HELZ: variants seen among roughly 807,000 people sequenced by gnomAD.
HELZ encodes the protein ATP-dependent RNA helicase with zinc finger domain.
HELZ carries 23 observed loss-of-function variants against 218.2 expected under a neutral mutation model. The ratio of observed to expected loss-of-function variants is 0.11; its 90% CI spans 0.08 to 0.15. The LOEUF (loss-of-function observed/expected upper bound fraction) is 0.15. Ranked by LOEUF, HELZ falls within the 10% of genes least tolerant of loss-of-function variation. HELZ has a pLI of 1.00. For missense variants in HELZ, 1,813 were observed against 2,353.7 expected (o/e 0.77, Z 4.75); for synonymous variants, 814 against 829.4 (o/e 0.98, Z 0.32).
At chr17:67,112,852 G>A (rs142542992) in intron 28 of HELZ, among the ~76,000 whole-genome samples, 2 of 152,270 alleles carry the variant, frequency 1.3e-5, no homozygotes, top group African/African-American at 2.4e-5. Context: ...TAAAAAAGAC[G>A]GAGGTCATGT....
intron 28 of HELZ, 114 bp downstream of exon 28, chr17:67,114,210 A>G: frequency 2.8e-6 from 2 of 715,078 alleles, no homozygotes; most frequent in Non-Finnish European, 5.0e-6. Context: ...CTGTGAAAAA[A>G]TAAACATAAA....
intron 9 of HELZ, among the ~76,000 whole-genome samples, chr17:67,192,712 A>C (rs986259208): frequency 1.3e-5 from 2 of 152,216 alleles, no homozygotes. Flanking sequence ...AAAACCATGT[A>C]GCAAATTTCC....
At chr17:67,157,565 C>T (rs1253414296) in intron 17 of HELZ, among the ~76,000 whole-genome samples, 3 of 152,040 alleles carry the variant, frequency 2.0e-5, no homozygotes, top group African/African-American at 4.8e-5. Context: ...GGAGAATTGA[C>T]GGTAACAAGA....
Position 67,077,063 on chromosome 17 carries a change from T to C in HELZ, c.*1189A>G, listed in dbSNP as rs2036036288. The C allele has an allele frequency of 6.6e-6, 1 of 152,208 alleles. No homozygotes were observed. Among genetic ancestry groups the C allele is most frequent in the Admixed American group, 6.5e-5 (1 of 15,282 alleles). The allele number at this position is 152,208 out of a possible 1,614,324, so 9.4% of individuals were successfully genotyped here. On this transcript the variant is annotated 3_prime_UTR_variant, in exon 33 of 33. Coordinates refer to ENST00000358691, the MANE Select transcript of HELZ (RefSeq NM_014877.4). ...GAATATTTAAGATGGCTATTTAAAT[T>C]TTATATTGTGTACAAGTTCAATAAG...
chr17:67,117,849 C>A (rs2037476359), intron 27 of HELZ, among the ~76,000 whole-genome samples: 1 of 151,762 alleles, frequency 6.6e-6, no homozygotes, highest in Admixed American at 6.6e-5. Flanking sequence ...CCGTGCTCGG[C>A]CTGAAAACTT....
chr17:67,191,611 T>A (rs1216283571), intron 9 of HELZ, among the ~76,000 whole-genome samples: 1 of 151,784 alleles, frequency 6.6e-6, no homozygotes, highest in Non-Finnish European at 1.5e-5. Context: ...GCCACCACAA[T>A]GCCCGGCTAG....
At chr17:67,124,429 C>A (rs1271485501) in intron 24 of HELZ, among the ~76,000 whole-genome samples, 2 of 151,950 alleles carry the variant, frequency 1.3e-5, no homozygotes, top group African/African-American at 2.4e-5. Context: ...AAGATGAGAA[C>A]CTTTAACGGA....
rs1209313232 is a variant in HELZ, at chr17:67,160,890, C to T, written c.2075+7G>A. ...GGGAAATATGAGCACGCTTCCCACC[C>T]TCTCACCTAGTCTCCTGTTGCTGCA... On this transcript the variant is annotated splice_region_variant and intron_variant, in intron 16 of 32. Transcript: ENST00000358691. 3 of 1,591,252 alleles carry T rather than the reference C, an allele frequency of 1.9e-6. No individual in the cohort carries two copies. In the African/African-American group the frequency reaches 4.0e-5, roughly 21 times the overall value.
chr17:67,165,881 C>T (rs2039127740), intron 15 of HELZ, among the ~76,000 whole-genome samples: 1 of 152,102 alleles, frequency 6.6e-6, no homozygotes, highest in South Asian at 2.1e-4. Flanking sequence ...GCTCACATCC[C>T]AGAACTCTGG....
rs974003929 is a variant in HELZ at position 67,210,313 on chromosome 17, G to A, written c.247+5586C>T. On this transcript the variant is annotated intron_variant, in intron 5 of 32. Transcript: ENST00000358691. ...GAGAGTACAGAAGTTTCAACCAATCGCCTATCAATTTGCCTTTTCTAAAAG... is the reference window on the plus strand; with the variant it reads ...GAGAGTACAGAAGTTTCAACCAATCACCTATCAATTTGCCTTTTCTAAAAG... Among the ~76,000 whole-genome samples the A allele has an allele frequency of 5.9e-5, 9 of 152,082 alleles. 1 individual carries two copies. The South Asian group carries it at 1.0e-3, about 18-fold the overall frequency.
rs1195940577 is a variant in HELZ at position 67,108,796 on chromosome 17, T to C, written c.4490-70A>G. On this transcript the variant is annotated intron_variant, in intron 29 of 32. Transcript: ENST00000358691. The surrounding 1 kb of genome is among the most constrained non-coding windows in gnomAD (Gnocchi z 4.1). ...AAGTTCATTATTTAAAGTTTTTTACTAACATATTTTCTCCACAAAGACAAA... is the reference window on the plus strand; with the variant it reads ...AAGTTCATTATTTAAAGTTTTTTACCAACATATTTTCTCCACAAAGACAAA... 8 of 1,179,262 alleles carry C rather than the reference T, an allele frequency of 6.8e-6. No individual in the cohort carries two copies. The highest frequency in any genetic ancestry group is 9.5e-6 in the Non-Finnish European group (8 of 842,068). The allele number at this position is 1,179,262 out of a possible 1,614,324, so 73.0% of individuals were successfully genotyped here.
chr17:67,153,800 A>G (rs1447058810), intron 17 of HELZ, among the ~76,000 whole-genome samples: 5 of 152,246 alleles, frequency 3.3e-5, no homozygotes, highest in Non-Finnish European at 5.9e-5. Flanking sequence ...GGCAATCAAA[A>G]TAATTATTTA....
intron 23 of HELZ, among the ~76,000 whole-genome samples, chr17:67,132,138 G>A (rs2038004873): frequency 6.6e-6 from 1 of 151,984 alleles, no homozygotes; most frequent in Admixed American, 6.6e-5. Flanking sequence ...TGAACACAAA[G>A]TTTGATTTTC....
At chr17:67,226,280 GA>G (rs893091143) in intron 3 of HELZ, among the ~76,000 whole-genome samples, 39 of 135,008 alleles carry the variant, frequency 2.9e-4, no homozygotes, top group South Asian at 4.7e-4. Flanking sequence ...AAGAAAAAAG[GA>G]AAAAAAAAAA....
At chr17:67,082,316 G>A (rs1164629926) in intron 32 of HELZ, among the ~76,000 whole-genome samples, 1 of 152,164 alleles carries the variant, frequency 6.6e-6, no homozygotes, top group Middle Eastern at 3.2e-3. Context: ...GAAACCACAA[G>A]AAACCCCACT....
intron 7 of HELZ, among the ~76,000 whole-genome samples, chr17:67,195,837 CCTTTTTTTTTTTTT>C (rs1326893813): frequency 5.2e-4 from 35 of 66,780 alleles, no homozygotes; most frequent in Non-Finnish European, 8.4e-4. Context: ...GGTTTCTTTT[CCTTTTTTTTTTTTT>C]CTTTTTTTTT....
chr17:67,085,751 G>A (rs1424958625), intron 32 of HELZ, among the ~76,000 whole-genome samples: 3 of 152,160 alleles, frequency 2.0e-5, no homozygotes, highest in East Asian at 1.9e-4. Flanking sequence ...AAAGATCAAC[G>A]TCTACAGCAT....
chr17:67,180,598 C>T (rs778052872), intron 12 of HELZ, among the ~76,000 whole-genome samples: 10 of 152,110 alleles, frequency 6.6e-5, no homozygotes, highest in African/African-American at 2.2e-4. Context: ...ACAAAAATTG[C>T]GGGGCACAAT....
intron 2 of HELZ, 100 bp from the exon 3 acceptor site, chr17:67,239,589 G>T (rs1282698679): frequency 6.6e-6 from 1 of 152,138 alleles, no homozygotes; most frequent in East Asian, 1.9e-4. Context: ...CCCAGCATAT[G>T]GTCTTTTGGT....
Sources: gnomAD v4.1 joint callset for allele counts (sites outside exome capture counted in the v4.1 genomes callset) on GRCh38, gnomAD v4.1.1 for gene constraint, Gnocchi (gnomAD v3.1) non-coding constraint, MANE v1.5 for transcripts, NCBI Gene and HGNC (gene_info 2026-07-23, HGNC 2026-07-21) for gene names.